KPNA1: variants seen among roughly 807,000 people sequenced by gnomAD.
The protein encoded by KPNA1 is karyopherin subunit alpha 1.
A neutral mutation model predicts 70.5 loss-of-function variants in KPNA1; 10 were observed. That is an observed-to-expected ratio of 0.14 (90% CI 0.09 to 0.24). The LOEUF (loss-of-function observed/expected upper bound fraction) is 0.24, where lower values mean the gene tolerates loss of function less well. Among genes scored for constraint, KPNA1 ranks in the 10% least tolerant of loss-of-function variants. The pLI is 1.00. For missense variants in KPNA1, 397 were observed against 637.9 expected (o/e 0.62, Z 4.07); for synonymous variants, 192 against 221.9 (o/e 0.87, Z 1.20).
intron 1 of KPNA1, chr3:122,514,413 GCCT>G (rs2076993073): frequency 7.4e-6 from 1 of 135,150 alleles, no homozygotes; most frequent in Admixed American, 7.7e-5. Context: ...CTCCGCGCTC[GCCT>G]CCTCTCCGCC....
intron 2 of KPNA1, among the ~76,000 whole-genome samples, chr3:122,480,523 T>G (rs998787404): frequency 6.6e-6 from 1 of 152,038 alleles, no homozygotes; most frequent in African/African-American, 2.4e-5. Context: ...GAATTCATCA[T>G]AACAGACCAG....
intron 1 of KPNA1, among the ~76,000 whole-genome samples, chr3:122,509,173 G>C (rs1048900405): frequency 4.0e-5 from 6 of 151,732 alleles, no homozygotes; most frequent in Non-Finnish European, 7.4e-5. Flanking sequence ...TTAAGCCCAG[G>C]AGGCAGAGGT....
At chr3:122,513,016 T>G (rs1217677286) in intron 1 of KPNA1, among the ~76,000 whole-genome samples, 1 of 152,196 alleles carries the variant, frequency 6.6e-6, no homozygotes, top group Non-Finnish European at 1.5e-5. Context: ...ACAGTGAGTT[T>G]TGATCGCGAC....
chr3:122,436,924 C>T (rs1401193682), intron 11 of KPNA1, among the ~76,000 whole-genome samples: 2 of 152,232 alleles, frequency 1.3e-5, no homozygotes, highest in Middle Eastern at 6.8e-3. Context: ...ACTACAGGCA[C>T]CTGCCACTGC....
rs1576308104 is a variant in KPNA1 at position 122,460,166 on chromosome 3, A to ATTT, written c.432+1057_432+1058insAAA. On this transcript the variant is annotated intron_variant, in intron 5 of 13. Transcript: ENST00000344337. ...GATTAGATCCTACAGGTGAGAATTT[A>ATTT]GGGATCACATGTATTTGTAACTAAT... 7.1e-6 allele frequency: 7 copies of ATTT among 985,400 alleles called. No individual in the cohort carries two copies. The East Asian group carries it at 7.9e-4, about 112-fold the overall frequency. 61.0% of individuals were successfully genotyped at this position (985,400 alleles called of 1,614,324 possible).
rs193274666 is a variant in KPNA1, at chr3:122,499,574, G to A, written c.-5-3004C>T. On this transcript the variant is annotated intron_variant, in intron 1 of 13. Coordinates refer to ENST00000344337, the MANE Select transcript of KPNA1 (RefSeq NM_002264.4). The stretch of plus-strand genomic sequence containing the variant: ...TCAAGATCAGACTGGGCAACATGGT[G>A]AGACTCCATCTCTACAAAAAATTTA... 1.7e-4 allele frequency among the ~76,000 whole-genome samples: 26 copies of A among 152,082 alleles called. No homozygotes were observed. The South Asian group carries it at 5.2e-3, about 30-fold the overall frequency.
rs960384010 is a variant in KPNA1 at position 122,425,770 on chromosome 3, G to A, written c.*1215C>T. On this transcript the variant is annotated 3_prime_UTR_variant, in exon 14 of 14. Coordinates refer to ENST00000344337, the MANE Select transcript of KPNA1 (RefSeq NM_002264.4). ...AGCAGGAGATGAAATAAAATGATTAGGAAACAATGAGGTTATAAGATCACT... is the reference window on the plus strand; with the variant it reads ...AGCAGGAGATGAAATAAAATGATTAAGAAACAATGAGGTTATAAGATCACT... 4 of 152,508 alleles carry A rather than the reference G, an allele frequency of 2.6e-5. No individual in the cohort carries two copies. The highest frequency in any genetic ancestry group is 2.1e-4 in the South Asian group (1 of 4,810). 9.4% of individuals were successfully genotyped at this position (152,508 alleles called of 1,614,324 possible).
chr3:122,509,480 G>A (rs1161750533), intron 1 of KPNA1, among the ~76,000 whole-genome samples: 1 of 152,078 alleles, frequency 6.6e-6, no homozygotes, highest in Non-Finnish European at 1.5e-5. Context: ...TCAATTCCTA[G>A]GGAATGAAAA....
intron 2 of KPNA1, among the ~76,000 whole-genome samples, chr3:122,492,232 C>T (rs1178471636): frequency 1.3e-5 from 2 of 152,174 alleles, no homozygotes; most frequent in African/African-American, 4.8e-5. Context: ...TGTGTCACAG[C>T]GTGCCAGTAC....
chr3:122,436,730 A>G (rs910919574), intron 11 of KPNA1, among the ~76,000 whole-genome samples: 2 of 152,206 alleles, frequency 1.3e-5, no homozygotes, highest in Non-Finnish European at 2.9e-5. Flanking sequence ...ACTATGAAAT[A>G]AGACAACAAC....
intron 5 of KPNA1, among the ~76,000 whole-genome samples, chr3:122,458,242 A>C (rs930600030): frequency 6.6e-6 from 1 of 152,196 alleles, no homozygotes; most frequent in Non-Finnish European, 1.5e-5. Flanking sequence ...AGAAGCAAAA[A>C]AGTAGGCTCA....
intron 8 of KPNA1, 36 bp from the exon 9 acceptor site, chr3:122,449,773 G>T: frequency 6.4e-7 from 1 of 1,571,096 alleles, no homozygotes; most frequent in South Asian, 1.2e-5. Context: ...AAATTCAATA[G>T]ACTAAAAGCC....
chr3:122,486,809 G>T (rs1003927894), intron 2 of KPNA1, among the ~76,000 whole-genome samples: 5 of 151,980 alleles, frequency 3.3e-5, no homozygotes, highest in Admixed American at 6.6e-5. Context: ...GGATGGTCTT[G>T]ATCTCCTGAC....
intron 3 of KPNA1, 188 bp from the exon 4 acceptor site, chr3:122,464,229 G>T: frequency 5.1e-6 from 2 of 395,646 alleles, no homozygotes; most frequent in Non-Finnish European, 8.9e-6. Flanking sequence ...CAAATTCTTT[G>T]TCTATCATTA....
intron 2 of KPNA1, among the ~76,000 whole-genome samples, chr3:122,491,470 G>A (rs1402184038): frequency 6.6e-6 from 1 of 152,196 alleles, no homozygotes; most frequent in African/African-American, 2.4e-5. Flanking sequence ...AACTGTAGCG[G>A]CCGTTGGTTA....
chr3:122,465,266 T>C (rs1392765013), intron 3 of KPNA1, among the ~76,000 whole-genome samples: 1 of 152,192 alleles, frequency 6.6e-6, no homozygotes, highest in East Asian at 1.9e-4. Context: ...ACTAATCCCA[T>C]CATAAGTTGA....
intron 10 of KPNA1, 33 bp downstream of exon 10, chr3:122,442,005 A>T: frequency 1.4e-6 from 2 of 1,437,674 alleles, no homozygotes; most frequent in Non-Finnish European, 2.0e-6. Context: ...TACTGTTTTT[A>T]AAGGACAAAA....
At chr3:122,511,644 C>T (rs920895074) in intron 1 of KPNA1, among the ~76,000 whole-genome samples, 3 of 152,228 alleles carry the variant, frequency 2.0e-5, no homozygotes, top group African/African-American at 7.2e-5. Flanking sequence ...CAGCAAAAGA[C>T]AGAAATCAGC....
At chr3:122,476,881 A>AAAAAAAAAAC (rs1560042634) in intron 2 of KPNA1, among the ~76,000 whole-genome samples, 3 of 149,928 alleles carry the variant, frequency 2.0e-5, no homozygotes, top group African/African-American at 7.4e-5. Flanking sequence ...AAAAAAAAAA[A>AAAAAAAAAAC]AAACTAAAAA....
Sources: allele counts gnomAD v4.1 joint callset (sites outside exome capture counted in the v4.1 genomes callset), GRCh38; gene constraint gnomAD v4.1.1; transcripts MANE v1.5; gene names NCBI Gene and HGNC (gene_info 2026-07-23, HGNC 2026-07-21).